NRG1: variants seen among roughly 807,000 people sequenced by gnomAD.
NRG1 encodes the protein pro-neuregulin-1, membrane-bound isoform.
In NRG1, 18 loss-of-function variants were observed where a neutral mutation model predicts 63.8. That is an observed-to-expected ratio of 0.28 (90% confidence interval 0.19 to 0.42). The LOEUF is 0.42. Ranked by LOEUF, NRG1 falls within the 10% of genes least tolerant of loss-of-function variation. The probability of loss-of-function intolerance (pLI) is 1.00; values close to 1 mark genes in which losing one functional copy is unlikely to be tolerated. For synonymous variants in NRG1, 302 were observed against 301.3 expected (o/e 1.00, Z -0.02); for missense variants, 762 against 814.7 (o/e 0.94, Z 0.79).
At chr8:31,770,246 C>A (rs1192036008) in intron 1 of NRG1, among the ~76,000 whole-genome samples, 8 of 152,138 alleles carry the variant, frequency 5.3e-5, no homozygotes, top group African/African-American at 1.9e-4. Flanking sequence ...TTAAGAAAAA[C>A]TTCTGATACT....
chr8:32,326,034 G>A (rs1240969605), intron 1 of NRG1, among the ~76,000 whole-genome samples: 1 of 141,158 alleles, frequency 7.1e-6, no homozygotes, highest in African/African-American at 2.7e-5. Context: ...TTTTTGATAT[G>A]GAGTCTCTGT....
At position 32,158,448 on chromosome 8, in the gene NRG1, G is replaced by GATATAT. The variant is rs36087607; in HGVS notation, c.38-437361_38-437356dup. 3.0e-3 allele frequency among the ~76,000 whole-genome samples: 189 copies of GATATAT among 62,194 alleles called. 16 individuals carry two copies. The highest frequency in any genetic ancestry group is 3.7e-3 in the East Asian group (9 of 2,412). 40.8% of individuals were successfully genotyped at this position (62,194 alleles called of 152,430 possible). On this transcript the variant is annotated intron_variant, in intron 1 of 10. Transcript: ENST00000519301. ...TCGTTTCTCTTTGTTTGGTTTACAT[G>GATATAT]ATATATATATATATATATATATATC...
chr8:32,519,093 A>T (rs1015870543), intron 1 of NRG1, among the ~76,000 whole-genome samples: 1 of 152,148 alleles, frequency 6.6e-6, no homozygotes, highest in Non-Finnish European at 1.5e-5. Context: ...TTTTTTTACC[A>T]GATATGAAAT....
intron 1 of NRG1, among the ~76,000 whole-genome samples, chr8:32,575,049 T>C (rs1839358679): frequency 6.6e-6 from 1 of 152,068 alleles, no homozygotes; most frequent in Non-Finnish European, 1.5e-5. Context: ...AAGCCAAACA[T>C]AGAATAAAGC....
chr8:32,005,740 T>C (rs1193556688), intron 1 of NRG1, among the ~76,000 whole-genome samples: 1 of 151,728 alleles, frequency 6.6e-6, no homozygotes, highest in Non-Finnish European at 1.5e-5. Context: ...GCGAGGTGAG[T>C]GTTAAATTAT....
intron 1 of NRG1, among the ~76,000 whole-genome samples, chr8:32,081,288 C>T (rs922964374): frequency 8.5e-5 from 13 of 152,126 alleles, no homozygotes; most frequent in Non-Finnish European, 1.6e-4. Flanking sequence ...AGAGCTTCAA[C>T]ATATGCATTT....
At chr8:32,676,416 C>G (rs1019222801) in intron 5 of NRG1, among the ~76,000 whole-genome samples, 2 of 152,150 alleles carry the variant, frequency 1.3e-5, no homozygotes, top group African/African-American at 2.4e-5. Context: ...CTTGGGTTGT[C>G]TTTCTCATAA....
chr8:32,742,863 C>G lies in NRG1; in HGVS notation c.691+130C>G. 1 of 1,577,184 alleles carries G rather than the reference C, an allele frequency of 6.3e-7. No individual in the cohort carries two copies. The highest frequency in any genetic ancestry group is 1.8e-5 in the Admixed American group (1 of 56,416). On this transcript the variant is annotated intron_variant, in intron 7 of 11. Transcript: ENST00000356819. This position sits in a 1 kb window ranked among gnomAD's most constrained non-coding sequence, Gnocchi z 4.2. The stretch of plus-strand genomic sequence containing the variant: ...GTCTTACCAGATCTAATATTGACTG[C>G]CTCTGCCTGTCGCATGAGAACATTA...
intron 1 of NRG1, among the ~76,000 whole-genome samples, chr8:31,993,368 A>G (rs375060481): frequency 6.6e-6 from 1 of 151,874 alleles, no homozygotes; most frequent in African/African-American, 2.4e-5. Context: ...CTTGGACTCT[A>G]ATATGGTTTG....
chr8:32,079,360 A>G (rs1327797348), intron 1 of NRG1, among the ~76,000 whole-genome samples: 1 of 152,180 alleles, frequency 6.6e-6, no homozygotes, highest in Non-Finnish European at 1.5e-5. Context: ...ACTGAACAAA[A>G]GCAATGTCCA....
chr8:32,679,393 T>G (rs1316305707), intron 5 of NRG1, among the ~76,000 whole-genome samples: 1 of 152,144 alleles, frequency 6.6e-6, no homozygotes, highest in Non-Finnish European at 1.5e-5. Context: ...TTTTGCAAAT[T>G]GAAAATCATG....
chr8:31,956,384 G>A (rs1804412653), intron 1 of NRG1, among the ~76,000 whole-genome samples: 1 of 152,088 alleles, frequency 6.6e-6, no homozygotes, highest in African/African-American at 2.4e-5. Flanking sequence ...TTGGGAGGCT[G>A]AGGTGGGCAG....
chr8:32,091,290 A>AG (rs1453604914), intron 1 of NRG1, among the ~76,000 whole-genome samples: 1 of 151,980 alleles, frequency 6.6e-6, no homozygotes, highest in Non-Finnish European at 1.5e-5. Context: ...AAAAAAAAAA[A>AG]AAGAAGTAAT....
In NRG1 at chr8:32,690,713, C is replaced by T. The variant is rs904339845; in HGVS notation, c.503-37236C>T. Among the ~76,000 whole-genome samples the T allele has an allele frequency of 2.0e-5, 3 of 151,764 alleles. No individual in the cohort carries two copies. The East Asian group carries it at 5.8e-4, about 29-fold the overall frequency. On this transcript the variant is annotated intron_variant, in intron 5 of 11. Coordinates refer to ENST00000356819, the Ensembl canonical transcript of NRG1. Reference sequence around the variant, plus strand: ...GTAAAGAAAGCAATAAAGATACACACATAGTTTTTTTTTTTCTTTTGAATA... The same window carrying T: ...GTAAAGAAAGCAATAAAGATACACATATAGTTTTTTTTTTTCTTTTGAATA...
intron 1 of NRG1, among the ~76,000 whole-genome samples, chr8:32,266,910 G>A (rs200725283): frequency 6.6e-5 from 10 of 151,204 alleles, no homozygotes; most frequent in African/African-American, 2.2e-4. Context: ...TTAGCCAGAC[G>A]TGGTGGCACA....
intron 1 of NRG1, among the ~76,000 whole-genome samples, chr8:31,701,363 T>G (rs984049324): frequency 3.3e-5 from 5 of 152,152 alleles, no homozygotes; most frequent in African/African-American, 1.2e-4. Context: ...CCCAAATCAA[T>G]CTGACAAAGG....
intron 1 of NRG1, among the ~76,000 whole-genome samples, chr8:31,697,683 CTT>C (rs1810215401): frequency 6.6e-6 from 1 of 152,092 alleles, no homozygotes; most frequent in South Asian, 2.1e-4. Flanking sequence ...TAAGCAATGT[CTT>C]TAATCCCAAG....
intron 1 of NRG1, among the ~76,000 whole-genome samples, chr8:32,015,276 T>C (rs443286): frequency 0.028 from 4,235 of 152,278 alleles, 198 homozygotes; most frequent in African/African-American, 0.097. Context: ...GTAGCCATGG[T>C]GTATACGAAT....
At chr8:32,459,062 G>A (rs1821971898) in intron 1 of NRG1, among the ~76,000 whole-genome samples, 1 of 152,182 alleles carries the variant, frequency 6.6e-6, no homozygotes, top group Admixed American at 6.5e-5. Context: ...GTTCTCGTCT[G>A]TGTCTCCCTG....
Sources: gnomAD v4.1 joint callset for allele counts (sites outside exome capture counted in the v4.1 genomes callset) on GRCh38, gnomAD v4.1.1 for gene constraint, Gnocchi (gnomAD v3.1) non-coding constraint, MANE v1.5 for transcripts, NCBI Gene and HGNC (gene_info 2026-07-23, HGNC 2026-07-21) for gene names.